Variants in MATR3 observed in about 807,000 individuals in gnomAD.
MATR3 encodes matrin-3.
MATR3 carries 4 observed loss-of-function variants against 85.5 expected under a neutral mutation model. The ratio of observed to expected loss-of-function variants is 0.05; its 90% CI spans 0.02 to 0.11. MATR3 has a LOEUF of 0.11. Ranked by LOEUF, MATR3 falls within the 10% of genes least tolerant of loss-of-function variation. MATR3 has a pLI of 1.00. For synonymous variants in MATR3, 336 were observed against 343.1 expected (o/e 0.98, Z 0.23); for missense variants, 685 against 1,016.1 (o/e 0.67, Z 4.43).
chr5:139,291,903 C>T (rs1386100633), upstream of MATR3: 1 of 149,990 alleles, frequency 6.7e-6, no homozygotes, highest in Non-Finnish European at 1.5e-5. Flanking sequence ...CAAGACTCCA[C>T]TGACCAGCTT....
rs966814287 is a variant in MATR3 at position 139,330,225 on chromosome 5, AAC to A, written c.*832_*833del. 3.7e-5 allele frequency: 17 copies of A among 454,228 alleles called. No individual in the cohort carries two copies. Among genetic ancestry groups the A allele is most frequent in the Admixed American group, 3.3e-4 (14 of 42,540 alleles). 28.1% of individuals were successfully genotyped at this position (454,228 alleles called of 1,614,324 possible). The stretch of plus-strand genomic sequence containing the variant: ...TAATTTTACATTTCTGCATTTTTAA[AAC>A]AGTTTGGCCATAATCCTAGATGCAC... On this transcript the variant is annotated 3_prime_UTR_variant, in exon 15 of 15. Transcript: ENST00000394805.
In MATR3 at chr5:139,307,623, C is replaced by G. The variant is rs1206688592; in HGVS notation, c.208C>G (p.His70Asp). The change falls in exon 2 of 15, where the codon CAT (histidine) becomes GAT (aspartate). Residue 70 changes from histidine to aspartate, a missense_variant. This residue lies in a region of MATR3 where 57 missense variants were observed against 68.6 expected (regional missense o/e 0.83). Coordinates refer to ENST00000394805, the MANE Select transcript of MATR3 (RefSeq NM_018834.6). This position sits in a 1 kb window ranked among gnomAD's most constrained non-coding sequence, Gnocchi z 4.4. ...TTCTTCATTGAATCAACAAGGAGCT[C>G]ATAGTGCACTGTCTTCTGCTAGTAC... ...MSSSLNQQGA[H>D]SALSSASTSS... 1 of 1,614,140 alleles carries G rather than the reference C, an allele frequency of 6.2e-7. No homozygotes were observed. The highest frequency in any genetic ancestry group is 8.5e-7 in the Non-Finnish European group (1 of 1,180,028).
rs749026971 is a variant in MATR3, at chr5:139,322,767, A to C, written c.1948A>C (p.Met650Leu). 34 of 1,614,202 alleles carry C rather than the reference A, an allele frequency of 2.1e-5. No homozygotes were observed. The highest frequency in any genetic ancestry group is 2.8e-5 in the Non-Finnish European group (33 of 1,180,040). The change falls in exon 12 of 15, where the codon ATG (methionine) becomes CTG (leucine). Residue 650 changes from methionine (M) to leucine (L), a missense_variant. Met to Leu is a conservative substitution (Grantham distance 15). Around this residue, in one of 9 missense-constraint regions of MATR3, gnomAD observed 215 missense variants for 194.7 expected, o/e 1.10. Transcript: ENST00000394805. Reference protein sequence around the residue: ...KDDQTEQEPNMLLESEDELLV... With the variant: ...KDDQTEQEPNLLLESEDELLV... ...TGACCAGACAGAGCAGGAACCTAAT[A>C]TGCTTCTTGAATCTGAAGATGAGCT... is the stretch of plus-strand genomic sequence containing the variant.
chr5:139,317,770 A>G (rs748185819), intron 7 of MATR3, 49 bp downstream of exon 7: 1 of 1,452,232 alleles, frequency 6.9e-7, no homozygotes. Flanking sequence ...CCACTAATAT[A>G]TGTTCTGCAA....
chr5:139,281,425 C>T (rs1181012579), intron 3 of MATR3, among the ~76,000 whole-genome samples: 1 of 150,854 alleles, frequency 6.6e-6, no homozygotes, highest in Non-Finnish European at 1.5e-5. Flanking sequence ...TCACTGCAAC[C>T]TCCACCTCCT....
chr5:139,330,851 G>T lies in MATR3; in HGVS notation c.*1456G>T, dbSNP rs370405215. On this transcript the variant is annotated 3_prime_UTR_variant, in exon 15 of 15. Coordinates refer to ENST00000394805, the MANE Select transcript of MATR3 (RefSeq NM_018834.6). ...CTCACTCTGTCACCCAGACTGGAGT[G>T]CAGTGGCACAGTTCTCTGCAACCTC... 2 of 453,952 alleles carry T rather than the reference G, an allele frequency of 4.4e-6. No individual in the cohort carries two copies. Among genetic ancestry groups the T allele is most frequent in the East Asian group, 6.9e-5 (1 of 14,414 alleles). The allele number at this position is 453,952 out of a possible 1,614,324, so 28.1% of individuals were successfully genotyped here.
intron 2 of MATR3, chr5:139,311,023 C>A (rs1267241349): frequency 6.6e-6 from 1 of 152,176 alleles, no homozygotes; most frequent in Non-Finnish European, 1.5e-5. Context: ...GTCTTGAACT[C>A]CTGACCTCAG....
Position 139,307,284 on chromosome 5 carries a change from T to C in MATR3, c.-132T>C, listed in dbSNP as rs958764110. ...CTTGAAGAAGATTCTGCAGTCCTTA[T>C]TGATCCTTTTTCTTGGCGTTACCAT... is the stretch of plus-strand genomic sequence containing the variant. On this transcript the variant is annotated 5_prime_UTR_variant, in exon 2 of 15. Transcript: ENST00000394805. This position sits in a 1 kb window ranked among gnomAD's most constrained non-coding sequence, Gnocchi z 4.4. 1.4e-6 allele frequency: 2 copies of C among 1,427,570 alleles called. No homozygotes were observed. Among genetic ancestry groups the C allele is most frequent in the African/African-American group, 1.5e-5 (1 of 68,572 alleles). The allele number at this position is 1,427,570 out of a possible 1,614,324, so 88.4% of individuals were successfully genotyped here.
At chr5:139,296,259 C>G (rs1391897139) in intron 1 of MATR3, among the ~76,000 whole-genome samples, 1 of 152,070 alleles carries the variant, frequency 6.6e-6, no homozygotes, top group Non-Finnish European at 1.5e-5. Flanking sequence ...ATCTATACAG[C>G]CACTTAAAAC....
chr5:139,313,720 G>A (rs1302206689), intron 2 of MATR3: 4 of 152,010 alleles, frequency 2.6e-5, no homozygotes, highest in Non-Finnish European at 5.9e-5. Flanking sequence ...CTTATTTTGG[G>A]GAAATACAAA....
chr5:139,318,091 T>G (rs1456420707), intron 7 of MATR3, among the ~76,000 whole-genome samples: 1 of 152,216 alleles, frequency 6.6e-6, no homozygotes, highest in African/African-American at 2.4e-5. Flanking sequence ...AGGTGGCCTT[T>G]GTAATAAAAT....
In MATR3 at chr5:139,330,012, T is replaced by A. The variant is rs1756058382; in HGVS notation, c.*617T>A. On this transcript the variant is annotated 3_prime_UTR_variant, in exon 15 of 15. Coordinates refer to ENST00000394805, the MANE Select transcript of MATR3 (RefSeq NM_018834.6). ...GTAATTTTTTTCCCTGAGTTCCTGC[T>A]AGATTTCGTATTCTAGTAGTCAATG... 1 of 453,596 alleles carries A rather than the reference T, an allele frequency of 2.2e-6. No homozygotes were observed. The highest frequency in any genetic ancestry group is 2.0e-5 in the African/African-American group (1 of 49,982). 28.1% of individuals were successfully genotyped at this position (453,596 alleles called of 1,614,324 possible).
chr5:139,326,828 T>C (rs1456868966), intron 14 of MATR3, among the ~76,000 whole-genome samples: 1 of 152,232 alleles, frequency 6.6e-6, no homozygotes, highest in East Asian at 1.9e-4. Context: ...TATTATAAAT[T>C]CTGTGGTAGA....
chr5:139,321,237 C>T (rs1755550932), intron 9 of MATR3, among the ~76,000 whole-genome samples: 1 of 152,038 alleles, frequency 6.6e-6, no homozygotes, highest in Non-Finnish European at 1.5e-5. Flanking sequence ...ATAAACTCCG[C>T]CTCCTGGGTT....
intron 1 of MATR3, among the ~76,000 whole-genome samples, chr5:139,302,707 T>C (rs1182438641): frequency 2.0e-5 from 3 of 152,250 alleles, no homozygotes; most frequent in African/African-American, 7.2e-5. Flanking sequence ...GACAGTCAAC[T>C]ATGTCTGCCA....
At chr5:139,303,812 C>T (rs1754575486) in intron 1 of MATR3, among the ~76,000 whole-genome samples, 1 of 151,800 alleles carries the variant, frequency 6.6e-6, no homozygotes, top group South Asian at 2.1e-4. Flanking sequence ...TTAAAGTTAG[C>T]TTGCGCTTAT....
intron 9 of MATR3, among the ~76,000 whole-genome samples, chr5:139,320,091 G>C (rs1024030893): frequency 2.0e-5 from 3 of 151,140 alleles, no homozygotes; most frequent in African/African-American, 7.3e-5. Context: ...GGCAGATCAC[G>C]AGGTCAGGAG....
intron 1 of MATR3, chr5:139,274,476 CCCGAG>C (rs1753193764): frequency 5.4e-6 from 1 of 184,102 alleles, no homozygotes; most frequent in Non-Finnish European, 1.2e-5. Flanking sequence ...GCCCCTTTAA[CCCGAG>C]CCTTGAAAGG....
At position 139,308,064 on chromosome 5, in the gene MATR3, A is replaced by G. The variant is rs1370743188; in HGVS notation, c.649A>G (p.Met217Val). 1 of 1,614,028 alleles carries G rather than the reference A, an allele frequency of 6.2e-7. No individual in the cohort carries two copies. Residue 217 changes from methionine to valine, a missense_variant, in exon 2 of 15, where the codon ATG (methionine) becomes GTG (valine). Physicochemically the swap from Met to Val is conservative, Grantham distance 21. Around this residue, in one of 9 missense-constraint regions of MATR3, gnomAD observed 223 missense variants for 334.4 expected, o/e 0.67. Coordinates refer to ENST00000394805, the MANE Select transcript of MATR3 (RefSeq NM_018834.6). ...TCAAGAATCTGGTTATTATGACAGA[A>G]TGGATTATGAAGATGACAGATTAAG... The part of the protein sequence containing the change: ...RSQESGYYDR[M>V]DYEDDRLRDG...
Sources: gnomAD v4.1 joint callset for allele counts (sites outside exome capture counted in the v4.1 genomes callset) on GRCh38, gnomAD v4.1.1 for gene constraint, gnomAD v4.1.1 regional missense constraint, Gnocchi (gnomAD v3.1) non-coding constraint, MANE v1.5 for transcripts, NCBI Gene and HGNC (gene_info 2026-07-23, HGNC 2026-07-21) for gene names.